LAMA2: variants seen among roughly 807,000 people sequenced by gnomAD.
LAMA2 encodes the protein laminin subunit alpha 2.
Under a neutral mutation model 364.8 loss-of-function variants are expected in LAMA2, and 269 were observed. The ratio of observed to expected loss-of-function variants is 0.74; its 90% confidence interval spans 0.67 to 0.82. The LOEUF (loss-of-function observed/expected upper bound fraction) is 0.82, where lower values mean the gene tolerates loss of function less well. LAMA2 is among the 40% of genes least tolerant of loss of function. The probability of loss-of-function intolerance (pLI) is 0.00; values close to 1 mark genes in which losing one functional copy is unlikely to be tolerated. For synonymous variants in LAMA2, 1,379 were observed against 1,370.6 expected (o/e 1.01, Z -0.14); for missense variants, 3,807 against 3,873.2 (o/e 0.98, Z 0.45).
At chr6:129,261,547 C>A (rs1224677763) in intron 15 of LAMA2, among the ~76,000 whole-genome samples, 1 of 152,114 alleles carries the variant, frequency 6.6e-6, no homozygotes, top group Non-Finnish European at 1.5e-5. Context: ...AATGTGAACA[C>A]TATTTCCTTG....
At chr6:129,116,694 T>C (rs1776504468) in intron 4 of LAMA2, among the ~76,000 whole-genome samples, 1 of 152,122 alleles carries the variant, frequency 6.6e-6, no homozygotes. Context: ...AACATGCATT[T>C]TATACATTTA....
At position 129,116,429 on chromosome 6, in the gene LAMA2, G is replaced by T. The variant is rs114981745; in HGVS notation, c.639+18014G>T. Among the ~76,000 whole-genome samples the T allele has an allele frequency of 1.6e-3, 250 of 152,202 alleles. 1 individual carries two copies. The highest frequency in any genetic ancestry group is 5.4e-3 in the African/African-American group (225 of 41,560). On this transcript the variant is annotated intron_variant, in intron 4 of 64. Coordinates refer to ENST00000421865, the MANE Select transcript of LAMA2 (RefSeq NM_000426.4). ...AGCCCCAAAATTATTCACCTTAAAA[G>T]ATGAAATTTGGTAATATTAAGACAG...
chr6:129,175,906 G>T (rs1044038382), intron 9 of LAMA2, among the ~76,000 whole-genome samples: 5 of 151,784 alleles, frequency 3.3e-5, no homozygotes, highest in African/African-American at 9.7e-5. Flanking sequence ...GTCCTCTTTT[G>T]ATACCCTTGA....
At chr6:128,936,948 TAC>T (rs200834447) in intron 1 of LAMA2, among the ~76,000 whole-genome samples, 2,269 of 152,256 alleles carry the variant, frequency 0.015, 58 homozygotes, top group African/African-American at 0.052. Context: ...TCGGTTGTGA[TAC>T]AGTTTGGATA....
At chr6:129,180,256 G>T (rs1252540420) in intron 10 of LAMA2, among the ~76,000 whole-genome samples, 1 of 151,958 alleles carries the variant, frequency 6.6e-6, no homozygotes, top group Non-Finnish European at 1.5e-5. Context: ...TAAATGACAG[G>T]TTTTTAGCAG....
At chr6:129,200,471 T>G (rs1297891946) in intron 12 of LAMA2, among the ~76,000 whole-genome samples, 3 of 150,952 alleles carry the variant, frequency 2.0e-5, no homozygotes, top group Admixed American at 2.0e-4. Flanking sequence ...TGTACACATA[T>G]ACATGTATAT....
At chr6:128,981,606 C>A (rs1243692069) in intron 1 of LAMA2, among the ~76,000 whole-genome samples, 1 of 142,794 alleles carries the variant, frequency 7.0e-6, no homozygotes, top group South Asian at 2.2e-4. Flanking sequence ...AAAAAAATTG[C>A]TGGGCTTGGT....
At position 129,464,276 on chromosome 6, in the gene LAMA2, GTC is replaced by G. The variant is rs749941665; in HGVS notation, c.6993-8_6993-7del. ...AGATATGATCTGATTCATGTGAAAT[GTC>G]TCTCTTCTCAGTCCTCAGGTGGAAG... On this transcript the variant is annotated splice_polypyrimidine_tract_variant and intron_variant, in intron 49 of 64. Coordinates refer to ENST00000421865, the MANE Select transcript of LAMA2 (RefSeq NM_000426.4). 1.2e-6 allele frequency: 2 copies of G among 1,606,048 alleles called. No homozygotes were observed. The highest frequency in any genetic ancestry group is 1.7e-6 in the Non-Finnish European group (2 of 1,173,232).
chr6:128,911,057 A>T (rs1777897016), intron 1 of LAMA2, among the ~76,000 whole-genome samples: 1 of 151,884 alleles, frequency 6.6e-6, no homozygotes, highest in South Asian at 2.1e-4. Context: ...AGACAGGGAC[A>T]TTTAAGTCTG....
intron 1 of LAMA2, among the ~76,000 whole-genome samples, chr6:128,995,171 C>T (rs1562904523): frequency 6.6e-6 from 1 of 152,100 alleles, no homozygotes; most frequent in Non-Finnish European, 1.5e-5. Flanking sequence ...TATTCAACAA[C>T]CTGACTGTTT....
At chr6:128,928,970 T>C (rs1176934205) in intron 1 of LAMA2, 1 of 1,061,570 alleles carries the variant, frequency 9.4e-7, no homozygotes, top group Non-Finnish European at 1.5e-6. Flanking sequence ...ACAGGGAAGC[T>C]ACTCATTCCA....
chr6:129,381,797 GA>G (rs36020550), intron 34 of LAMA2, among the ~76,000 whole-genome samples: 14 of 152,056 alleles, frequency 9.2e-5, no homozygotes, highest in Admixed American at 3.3e-4. Context: ...AAATTATACA[GA>G]AAAAAATTTT....
chr6:128,889,600 T>C (rs897860190), intron 1 of LAMA2, among the ~76,000 whole-genome samples: 21 of 152,112 alleles, frequency 1.4e-4, no homozygotes, highest in African/African-American at 4.1e-4. Flanking sequence ...ATTTTCCTTT[T>C]CCCTTAGTAT....
chr6:129,270,943 A>T (rs1038512720), intron 17 of LAMA2, among the ~76,000 whole-genome samples, 192 bp downstream of exon 17: 7 of 152,178 alleles, frequency 4.6e-5, no homozygotes, highest in Admixed American at 1.3e-4. Flanking sequence ...AAGAATTTGT[A>T]ATTTTTTTAG....
chr6:128,902,920 CCTT>C (rs1777179801), intron 1 of LAMA2, among the ~76,000 whole-genome samples: 1 of 152,138 alleles, frequency 6.6e-6, no homozygotes, highest in African/African-American at 2.4e-5. Context: ...AATTCTTACT[CCTT>C]CTTTCACTTT....
At chr6:129,333,407 T>C (rs1300162839) in intron 29 of LAMA2, among the ~76,000 whole-genome samples, 2 of 152,192 alleles carry the variant, frequency 1.3e-5, no homozygotes, top group Non-Finnish European at 2.9e-5. Context: ...TTACGAAAAC[T>C]GCTTTCTATT....
intron 1 of LAMA2, among the ~76,000 whole-genome samples, chr6:128,949,139 T>C (rs1030156580): frequency 6.6e-6 from 1 of 152,200 alleles, no homozygotes; most frequent in African/African-American, 2.4e-5. Flanking sequence ...TTAATATCAT[T>C]AGAAAGGTGA....
chr6:129,146,517 T>C (rs1778461768), intron 5 of LAMA2, among the ~76,000 whole-genome samples: 1 of 152,056 alleles, frequency 6.6e-6, no homozygotes, highest in Non-Finnish European at 1.5e-5. Context: ...TACCCAGATT[T>C]TGTTGGTTCT....
intron 1 of LAMA2, among the ~76,000 whole-genome samples, chr6:128,957,107 T>C (rs1781202343): frequency 6.6e-6 from 1 of 152,128 alleles, no homozygotes; most frequent in Non-Finnish European, 1.5e-5. Flanking sequence ...CTTTATTCTG[T>C]CAATATTATC....
Sources: gnomAD v4.1 joint callset for allele counts (sites outside exome capture counted in the v4.1 genomes callset) on GRCh38, gnomAD v4.1.1 for gene constraint, MANE v1.5 for transcripts, NCBI Gene and HGNC (gene_info 2026-07-23, HGNC 2026-07-21) for gene names.